USH2A: variants seen among roughly 807,000 people sequenced by gnomAD.
USH2A encodes Usher syndrome 2A (autosomal recessive, mild).
USH2A carries 443 observed loss-of-function variants against 538.9 expected under a neutral mutation model. The ratio of observed to expected loss-of-function variants is 0.82; its 90% CI spans 0.76 to 0.89. The LOEUF (loss-of-function observed/expected upper bound fraction) is 0.89. Ranked by LOEUF, USH2A falls within the 40% of genes least tolerant of loss-of-function variation. USH2A has a pLI of 0.00. For synonymous variants in USH2A, 2,413 were observed against 2,273.5 expected (o/e 1.06, Z -1.75); for missense variants, 6,633 against 6,324.8 (o/e 1.05, Z -1.65).
chr1:216,049,446 G>C (rs2030661863), intron 30 of USH2A, among the ~76,000 whole-genome samples: 1 of 152,126 alleles, frequency 6.6e-6, no homozygotes, highest in Non-Finnish European at 1.5e-5. Context: ...AGTTAATCCT[G>C]TGAATTAAAA....
At chr1:216,408,352 A>G (rs2102769396) in intron 3 of USH2A, among the ~76,000 whole-genome samples, 1 of 152,256 alleles carries the variant, frequency 6.6e-6, no homozygotes, top group East Asian at 1.9e-4. Context: ...TATTGCGCAT[A>G]CAGTAGTCCC....
intron 38 of USH2A, among the ~76,000 whole-genome samples, chr1:215,912,235 G>A (rs1665802447): frequency 6.6e-6 from 1 of 151,856 alleles, no homozygotes; most frequent in African/African-American, 2.4e-5. Context: ...TGCCTTGGTT[G>A]CCTGTGCTTG....
rs184663035 is a variant in USH2A, at chr1:215,887,701, A to G, written c.8223+725T>C. 1.4e-3 allele frequency among the ~76,000 whole-genome samples: 219 copies of G among 152,342 alleles called. 2 individuals carry two copies. Among genetic ancestry groups the G allele is most frequent in the Middle Eastern group, 3.4e-3 (1 of 294 alleles). On this transcript the variant is annotated intron_variant, in intron 41 of 71. Transcript: ENST00000307340. ...AGAACACACAACATAGATCCAAGTA[A>G]TAATTTCAGCAGATGAACTTTGCTG...
chr1:215,701,461 T>A (rs907375496), intron 61 of USH2A, among the ~76,000 whole-genome samples: 8 of 152,220 alleles, frequency 5.3e-5, no homozygotes, highest in Admixed American at 1.3e-4. Flanking sequence ...TTAAGTCTCT[T>A]TGCAGGTCTC....
chr1:215,675,406 T>G lies in USH2A; in HGVS notation c.12505A>C (p.Thr4169Pro), dbSNP rs113107803. ...TCAGACCAGCTCAGCTCAACACTGG[T>G]GGACTTCACAGAGTGGACAGTAGGA... ...LAPTVHSVKS[T>P]SVELSWSEPV... Residue 4169 changes from threonine (T) to proline (P), a missense_variant, in exon 63 of 72, where the codon ACC (threonine) becomes CCC (proline). Physicochemically the swap from Thr to Pro is conservative, Grantham distance 38. Coordinates refer to ENST00000307340, the MANE Select transcript of USH2A (RefSeq NM_206933.4). 2 of 1,614,044 alleles carry G rather than the reference T, an allele frequency of 1.2e-6. No individual in the cohort carries two copies. The highest frequency in any genetic ancestry group is 1.7e-6 in the Non-Finnish European group (2 of 1,180,018).
chr1:216,142,885 CCCA>C (rs1482717880), intron 21 of USH2A, among the ~76,000 whole-genome samples: 2 of 152,040 alleles, frequency 1.3e-5, no homozygotes, highest in African/African-American at 2.4e-5. Context: ...TGAATTTCCC[CCCA>C]CGTGTTTTAA....
intron 61 of USH2A, among the ~76,000 whole-genome samples, chr1:215,725,442 G>T (rs897609661): frequency 2.0e-5 from 3 of 152,162 alleles, no homozygotes; most frequent in African/African-American, 7.2e-5. Context: ...AGTCATAGTT[G>T]CCCTGATGCC....
intron 34 of USH2A, among the ~76,000 whole-genome samples, chr1:215,993,655 T>A (rs1382881463): frequency 6.6e-6 from 1 of 152,210 alleles, no homozygotes; most frequent in East Asian, 1.9e-4. Flanking sequence ...CTTTTATTTC[T>A]ACAGTGTGAC....
chr1:216,156,349 G>T (rs1388140932), intron 21 of USH2A, among the ~76,000 whole-genome samples: 2 of 132,296 alleles, frequency 1.5e-5, no homozygotes, highest in African/African-American at 5.7e-5. Flanking sequence ...CCTCGGAGAG[G>T]TCTTCACTAA....
rs1662715350 is a variant in USH2A, at chr1:215,812,174, TG to T, written c.9739+1561del. On this transcript the variant is annotated intron_variant, in intron 49 of 71. Transcript: ENST00000307340. ...AATTTTTTGTATTTTTTACAAGAGA[TG>T]GGGTTTAGCCATGTTGGCCAGGCTG... Among the ~76,000 whole-genome samples, 3 of 151,350 alleles carry T rather than the reference TG, an allele frequency of 2.0e-5. No homozygotes were observed. The South Asian group carries it at 6.3e-4, about 32-fold the overall frequency.
intron 4 of USH2A, among the ~76,000 whole-genome samples, chr1:216,333,676 GAAAGAC>G (rs1157209176): frequency 6.6e-6 from 1 of 151,840 alleles, no homozygotes; most frequent in Non-Finnish European, 1.5e-5. Context: ...TCAAACTGTT[GAAAGAC>G]AAAGACAAAG....
At position 216,151,620 on chromosome 1, in the gene USH2A, C is replaced by T. The variant is rs1199523076; in HGVS notation, c.4627+23632G>A. Among the ~76,000 whole-genome samples, 5 of 152,294 alleles carry T rather than the reference C, an allele frequency of 3.3e-5. 1 individual carries two copies. On this transcript the variant is annotated intron_variant, in intron 21 of 71. Coordinates refer to ENST00000307340, the MANE Select transcript of USH2A (RefSeq NM_206933.4). ...ACATATCACAAACTTTATCAGTCCT[C>T]CAGGCCCAAGTTGACTCTTTAGCTG...
Position 215,680,172 on chromosome 1 carries a change from T to C in USH2A, c.12271A>G (p.Met4091Val), listed in dbSNP as rs144168442. 1.2e-6 allele frequency: 2 copies of C among 1,614,036 alleles called. No individual in the cohort carries two copies. Among genetic ancestry groups the C allele is most frequent in the Admixed American group, 1.7e-5 (1 of 60,000 alleles). Residue 4091 changes from methionine to valine, a missense_variant, in exon 62 of 72, where the codon ATG (methionine) becomes GTG (valine). Met to Val is a conservative substitution (Grantham distance 21). Coordinates refer to ENST00000307340, the MANE Select transcript of USH2A (RefSeq NM_206933.4). ...RALLLQWSEP[M>V]RTNGVIKTYN... ...ACCTTAATCACACCATTGGTTCTCA[T>C]AGGTTCTGACCACTGTAGTAGCAAT...
At chr1:215,988,194 T>G (rs1381119011) in intron 35 of USH2A, among the ~76,000 whole-genome samples, 2 of 150,670 alleles carry the variant, frequency 1.3e-5, no homozygotes, top group Non-Finnish European at 1.5e-5. Context: ...ATTTCCCCCT[T>G]CCACCCAGAC....
intron 36 of USH2A, among the ~76,000 whole-genome samples, chr1:215,967,297 T>C (rs1571853653): frequency 6.6e-6 from 1 of 152,024 alleles, no homozygotes. Flanking sequence ...GCCTCCGGAG[T>C]AGCTGAGACT....
intron 35 of USH2A, among the ~76,000 whole-genome samples, chr1:215,989,396 C>T (rs1667952715): frequency 6.6e-6 from 1 of 152,088 alleles, no homozygotes; most frequent in Non-Finnish European, 1.5e-5. Context: ...TCTCTGTGTA[C>T]CTGGCACCTT....
chr1:216,174,663 G>T lies in USH2A; in HGVS notation c.4627+589C>A, dbSNP rs886045948. On this transcript the variant is annotated intron_variant, in intron 21 of 71. Transcript: ENST00000307340. ...GCCTCACTTGCTTTACCATAGTCCT[G>T]GCTTAGAGAAGTTATCTTTTCCCTG... is the stretch of plus-strand genomic sequence containing the variant. 1.0e-6 allele frequency: 1 copy of T among 986,294 alleles called. No individual in the cohort carries two copies. Among genetic ancestry groups the T allele is most frequent in the Non-Finnish European group, 1.2e-6 (1 of 830,692 alleles). 61.1% of individuals were successfully genotyped at this position (986,294 alleles called of 1,614,324 possible).
In USH2A at chr1:216,246,775, C is replaced by A. The variant is rs761326678; in HGVS notation, c.2619G>T (p.Gly873=). 19 of 1,614,102 alleles carry A rather than the reference C, an allele frequency of 1.2e-5. No individual in the cohort carries two copies. The highest frequency in any genetic ancestry group is 1.6e-5 in the Non-Finnish European group (19 of 1,179,976). ...KSTGQCPCKL[G]VTGLRCNQCE... Reference sequence around the variant, plus strand: ...ACTGATTACAGCGAAGACCTGTTACCCCTAATTTGCAAGGACATTGTCCTG... The same window carrying A: ...ACTGATTACAGCGAAGACCTGTTACACCTAATTTGCAAGGACATTGTCCTG... The change falls in exon 13 of 72, where the codon GGG becomes GGT. Residue 873 remains glycine (G), a synonymous_variant. Transcript: ENST00000307340.
At chr1:215,918,521 C>G (rs183870942) in intron 38 of USH2A, among the ~76,000 whole-genome samples, 1 of 152,102 alleles carries the variant, frequency 6.6e-6, no homozygotes, top group Non-Finnish European at 1.5e-5. Context: ...TCCTGGACTT[C>G]CCAGCCTCCA....
Sources: gnomAD v4.1 joint callset for allele counts (sites outside exome capture counted in the v4.1 genomes callset) on GRCh38, gnomAD v4.1.1 for gene constraint, MANE v1.5 for transcripts, NCBI Gene and HGNC (gene_info 2026-07-23, HGNC 2026-07-21) for gene names.